RPS6KA2: variants seen among roughly 807,000 people sequenced by gnomAD.
The protein encoded by RPS6KA2 is ribosomal protein S6 kinase alpha-2.
In RPS6KA2, 42 loss-of-function variants were observed where a neutral mutation model predicts 91.8. That is an observed-to-expected ratio of 0.46 (90% confidence interval 0.36 to 0.59). The LOEUF is 0.59. RPS6KA2 is among the 20% of genes least tolerant of loss of function. RPS6KA2 has a pLI of 0.00. For synonymous variants in RPS6KA2, 414 were observed against 393.6 expected, an observed-to-expected ratio of 1.05 and a Z score of -0.61; for missense variants, 798 against 978.5, an observed-to-expected ratio of 0.82 and a Z score of 2.46.
In RPS6KA2 at chr6:166,498,631, C is replaced by T; in HGVS notation, c.624G>A (p.Glu208=). ...IKITDFGLSK[E]AIDHDKRAYS... is the part of the protein sequence containing the mutation. ...ACGCTCTCTTGTCGTGGTCAATGGC[C>T]TCCTTACTCAGGCCGAAATCTACAT... The change falls in exon 8 of 21, where the codon GAG becomes GAA. Residue 208 remains glutamate (E), a synonymous_variant. Coordinates refer to ENST00000265678, the MANE Select transcript of RPS6KA2 (RefSeq NM_021135.6). The T allele has an allele frequency of 1.9e-6, 3 of 1,613,470 alleles. No individual in the cohort carries two copies. Among genetic ancestry groups the T allele is most frequent in the Non-Finnish European group, 2.5e-6 (3 of 1,179,850 alleles).
chr6:166,586,369 G>A (rs1785175127), intron 1 of RPS6KA2: 1 of 1,599,586 alleles, frequency 6.3e-7, no homozygotes, highest in Non-Finnish European at 8.5e-7. Context: ...ACAATTGGAG[G>A]AGACTCAGGA....
chr6:166,831,425 A>G (rs528633835), intron 2 of RPS6KA2, among the ~76,000 whole-genome samples: 2 of 152,106 alleles, frequency 1.3e-5, no homozygotes, highest in Admixed American at 6.5e-5. Flanking sequence ...CACTCTGTGT[A>G]TTTCTACACC....
intron 2 of RPS6KA2, among the ~76,000 whole-genome samples, chr6:166,818,012 T>C (rs1779813996): frequency 6.6e-6 from 1 of 152,086 alleles, no homozygotes; most frequent in Non-Finnish European, 1.5e-5. Flanking sequence ...TGTGAGCCAC[T>C]GCGCCCGGCC....
At chr6:166,580,809 A>G (rs962775252) in intron 1 of RPS6KA2, among the ~76,000 whole-genome samples, 1 of 152,184 alleles carries the variant, frequency 6.6e-6, no homozygotes, top group Non-Finnish European at 1.5e-5. Context: ...GGCGGAGGAA[A>G]GGGAGGACAT....
chr6:166,453,230 CAA>C (rs397720075), intron 12 of RPS6KA2, among the ~76,000 whole-genome samples: 29,082 of 146,166 alleles, frequency 0.2, 2,973 homozygotes, highest in Middle Eastern at 0.27. Flanking sequence ...CACACACACA[CAA>C]AAAGGCTTTA....
At chr6:166,806,173 T>C (rs1779488972) in intron 2 of RPS6KA2, among the ~76,000 whole-genome samples, 1 of 152,014 alleles carries the variant, frequency 6.6e-6, no homozygotes, top group Non-Finnish European at 1.5e-5. Context: ...AGTCACAGAA[T>C]GGGGAAAGAG....
Position 166,533,159 on chromosome 6 carries a change from C to T in RPS6KA2, c.217-1846G>A, listed in dbSNP as rs1371991869. 2.0e-5 allele frequency among the ~76,000 whole-genome samples: 3 copies of T among 152,234 alleles called. No homozygotes were observed. The highest frequency in any genetic ancestry group is 2.9e-5 in the Non-Finnish European group (2 of 68,042). ...GAGAGAAAAACATTAGTGCTTAACT[C>T]TTGAGATCTTCTGCTTTGAATCACG... On this transcript the variant is annotated intron_variant, in intron 2 of 20. Coordinates refer to ENST00000265678, the MANE Select transcript of RPS6KA2 (RefSeq NM_021135.6). This position sits in a 1 kb window ranked among gnomAD's most constrained non-coding sequence, Gnocchi z 4.0.
At chr6:166,778,624 G>A (rs2128609528) in intron 2 of RPS6KA2, among the ~76,000 whole-genome samples, 1 of 152,162 alleles carries the variant, frequency 6.6e-6, no homozygotes, top group East Asian at 1.9e-4. Flanking sequence ...AAATTAGACG[G>A]TTGTGGTGGC....
intron 2 of RPS6KA2, among the ~76,000 whole-genome samples, chr6:166,853,869 G>A (rs1022635498): frequency 1.3e-5 from 2 of 152,260 alleles, no homozygotes; most frequent in African/African-American, 4.8e-5. Context: ...AGTACACATG[G>A]CCTGCAGGAG....
At chr6:166,530,498 C>T (rs1004442790) in intron 3 of RPS6KA2, among the ~76,000 whole-genome samples, 2 of 152,180 alleles carry the variant, frequency 1.3e-5, no homozygotes, top group Non-Finnish European at 1.5e-5. Flanking sequence ...CACGGGGTGC[C>T]CTCCTCCCCA....
rs371629311 is a variant in RPS6KA2, at chr6:166,498,495, G to A, written c.747+13C>T. 1.6e-5 allele frequency: 26 copies of A among 1,600,550 alleles called. No homozygotes were observed. Among genetic ancestry groups the A allele is most frequent in the East Asian group, 1.6e-4 (7 of 44,528 alleles). ...AGCCGCCATGGCACAGAAGAGGGTC[G>A]GGGCAGGCTCACCATGAGCACGCCG... On this transcript the variant is annotated intron_variant, in intron 8 of 20. Coordinates refer to ENST00000265678, the MANE Select transcript of RPS6KA2 (RefSeq NM_021135.6).
chr6:166,488,204 C>T (rs1781474160), intron 10 of RPS6KA2, among the ~76,000 whole-genome samples: 1 of 150,826 alleles, frequency 6.6e-6, no homozygotes, highest in Admixed American at 6.6e-5. Flanking sequence ...CTGTCTAAAC[C>T]GGAAACACCC....
intron 2 of RPS6KA2, among the ~76,000 whole-genome samples, chr6:166,783,836 A>ACAGTTACGCGT (rs1778846796): frequency 1.3e-5 from 1 of 77,386 alleles, no homozygotes; most frequent in East Asian, 5.3e-4. Context: ...GCACACGTGC[A>ACAGTTACGCGT]CACCTATCTA....
intron 2 of RPS6KA2, among the ~76,000 whole-genome samples, chr6:166,790,728 A>G (rs1779061151): frequency 6.6e-6 from 1 of 152,238 alleles, no homozygotes; most frequent in African/African-American, 2.4e-5. Flanking sequence ...TAAAGAAAAG[A>G]ATTTTCAATG....
At chr6:166,663,402 C>G (rs951257063) in intron 2 of RPS6KA2, among the ~76,000 whole-genome samples, 1 of 152,172 alleles carries the variant, frequency 6.6e-6, no homozygotes, top group Non-Finnish European at 1.5e-5. Context: ...CCCCAGAACC[C>G]AGGCTTTGCA....
intron 2 of RPS6KA2, among the ~76,000 whole-genome samples, chr6:166,745,150 T>C (rs867349253): frequency 0.062 from 8,690 of 140,244 alleles, 399 homozygotes; most frequent in East Asian, 0.21. Context: ...TAATCGGCCT[T>C]TTTTTTTTTT....
rs1445328418 is a variant in RPS6KA2, at chr6:166,612,497, C to T, written c.99+14424G>A. Among the ~76,000 whole-genome samples the T allele has an allele frequency of 6.6e-6, 1 of 152,160 alleles. No individual in the cohort carries two copies. Among genetic ancestry groups the T allele is most frequent in the Non-Finnish European group, 1.5e-5 (1 of 68,036 alleles). On this transcript the variant is annotated intron_variant, in intron 1 of 20. Transcript: ENST00000265678. The surrounding 1 kb of genome is among the most constrained non-coding windows in gnomAD (Gnocchi z 4.3). ...CTCCCCTCGCGGGCTTGCAACCAGG[C>T]ACTCTTCCTCTCTCCCTCCATGACA...
chr6:166,581,796 G>A (rs1363101185), intron 1 of RPS6KA2, among the ~76,000 whole-genome samples: 2 of 146,696 alleles, frequency 1.4e-5, no homozygotes, highest in African/African-American at 5.1e-5. Flanking sequence ...TGCCCACTGG[G>A]CAGGTGGGCT....
intron 2 of RPS6KA2, among the ~76,000 whole-genome samples, chr6:166,693,016 G>T (rs1388458581): frequency 1.3e-5 from 2 of 152,208 alleles, no homozygotes; most frequent in Non-Finnish European, 2.9e-5. Context: ...GAGGGCAAGA[G>T]GCAGTTGATT....
Sources: gnomAD v4.1 joint callset for allele counts (sites outside exome capture counted in the v4.1 genomes callset) on GRCh38, gnomAD v4.1.1 for gene constraint, Gnocchi (gnomAD v3.1) non-coding constraint, MANE v1.5 for transcripts, NCBI Gene and HGNC (gene_info 2026-07-23, HGNC 2026-07-21) for gene names.